CSRNP3: variants seen among roughly 807,000 people sequenced by gnomAD.
CSRNP3 encodes cysteine/serine-rich nuclear protein 3.
CSRNP3 carries 12 observed loss-of-function variants against 48.0 expected under a neutral mutation model. The observed-to-expected ratio is 0.25, with a 90% CI of 0.16 to 0.41. The LOEUF is 0.41. Ranked by LOEUF, CSRNP3 falls within the 10% of genes least tolerant of loss-of-function variation. The pLI is 1.00. For synonymous variants in CSRNP3, 263 were observed against 269.7 expected (o/e 0.98, Z 0.24); for missense variants, 580 against 724.4 (o/e 0.80, Z 2.29).
At chr2:165,668,935 T>C (rs1687283172) in intron 5 of CSRNP3, among the ~76,000 whole-genome samples, 1 of 152,328 alleles carries the variant, frequency 6.6e-6, no homozygotes, top group South Asian at 2.1e-4. Context: ...ACATCATCAT[T>C]AATTGGCTAT....
At chr2:165,643,230 C>A (rs1686754638) in intron 4 of CSRNP3, among the ~76,000 whole-genome samples, 1 of 152,208 alleles carries the variant, frequency 6.6e-6, no homozygotes, top group Non-Finnish European at 1.5e-5. Flanking sequence ...GTGTCTTATA[C>A]TCTTCTACAT....
At chr2:165,498,419 T>C (rs1225905446) in intron 2 of CSRNP3, among the ~76,000 whole-genome samples, 2 of 152,120 alleles carry the variant, frequency 1.3e-5, no homozygotes, top group African/African-American at 4.8e-5. Flanking sequence ...AACTCCAGGA[T>C]CTTGCATTAC....
intron 3 of CSRNP3, among the ~76,000 whole-genome samples, chr2:165,540,221 A>C (rs1222975168): frequency 1.3e-5 from 2 of 152,058 alleles, no homozygotes; most frequent in Non-Finnish European, 2.9e-5. Flanking sequence ...TATTTGCTCC[A>C]GTGGCTTGCC....
chr2:165,470,120 G>A (rs1448562919), intron 1 of CSRNP3, among the ~76,000 whole-genome samples: 1 of 152,046 alleles, frequency 6.6e-6, no homozygotes, highest in Non-Finnish European at 1.5e-5. Flanking sequence ...AATTCCACAG[G>A]TCCTGAGAAA....
At chr2:165,559,518 C>CA (rs1402161321) in intron 3 of CSRNP3, among the ~76,000 whole-genome samples, 1 of 151,920 alleles carries the variant, frequency 6.6e-6, no homozygotes, top group African/African-American at 2.4e-5. Flanking sequence ...AAAAAATGAA[C>CA]AAAAAATAAT....
intron 5 of CSRNP3, among the ~76,000 whole-genome samples, chr2:165,673,611 A>T (rs191022678): frequency 8.3e-4 from 126 of 152,262 alleles, no homozygotes; most frequent in African/African-American, 3.0e-3. Flanking sequence ...CGAATTGGTT[A>T]TTCATGTTGC....
At chr2:165,635,540 T>C (rs559076032) in intron 4 of CSRNP3, among the ~76,000 whole-genome samples, 3 of 152,286 alleles carry the variant, frequency 2.0e-5, no homozygotes, top group Admixed American at 6.5e-5. Context: ...ACAGGATTAT[T>C]TGTGTTCAGG....
chr2:165,490,584 C>T (rs1462833569), intron 1 of CSRNP3, among the ~76,000 whole-genome samples: 1 of 146,832 alleles, frequency 6.8e-6, no homozygotes, highest in Non-Finnish European at 1.5e-5. Context: ...CAGCATGGTA[C>T]TTGTACCAAA....
chr2:165,541,632 A>G (rs758751631), intron 3 of CSRNP3, among the ~76,000 whole-genome samples: 4 of 152,156 alleles, frequency 2.6e-5, no homozygotes, highest in Admixed American at 6.6e-5. Context: ...ATCTCTGCCT[A>G]TAGAGAACAC....
At chr2:165,619,083 C>T (rs1343571672) in intron 4 of CSRNP3, among the ~76,000 whole-genome samples, 2 of 152,124 alleles carry the variant, frequency 1.3e-5, no homozygotes, top group Non-Finnish European at 2.9e-5. Context: ...AAGGAAGTTA[C>T]ATGAGGGTCC....
intron 3 of CSRNP3, among the ~76,000 whole-genome samples, chr2:165,584,838 G>C (rs908193575): frequency 1.3e-5 from 2 of 152,126 alleles, no homozygotes; most frequent in African/African-American, 2.4e-5. Flanking sequence ...TAGAAAAGAA[G>C]AATTGTCTTG....
At chr2:165,615,887 G>GTTTTTTTTTTTT (rs1558951399) in intron 4 of CSRNP3, among the ~76,000 whole-genome samples, 1 of 126,656 alleles carries the variant, frequency 7.9e-6, no homozygotes. Flanking sequence ...ATGTTTGTGG[G>GTTTTTTTTTTTT]GTTTTTTTTT....
At chr2:165,556,787 GA>G (rs1446468051) in intron 3 of CSRNP3, among the ~76,000 whole-genome samples, 1 of 151,904 alleles carries the variant, frequency 6.6e-6, no homozygotes, top group Non-Finnish European at 1.5e-5. Flanking sequence ...AATGAGGGTG[GA>G]ACAATATCAA....
At chr2:165,654,193 T>G (rs1686965592) in intron 4 of CSRNP3, among the ~76,000 whole-genome samples, 1 of 152,084 alleles carries the variant, frequency 6.6e-6, no homozygotes, top group Non-Finnish European at 1.5e-5. Flanking sequence ...GGGTAATGTA[T>G]GAGATTGTTG....
chr2:165,637,703 A>C (rs749065377), intron 4 of CSRNP3, among the ~76,000 whole-genome samples: 2 of 152,234 alleles, frequency 1.3e-5, no homozygotes, highest in Non-Finnish European at 2.9e-5. Context: ...GAATGCATTA[A>C]ACAATTTCAT....
intron 4 of CSRNP3, among the ~76,000 whole-genome samples, chr2:165,614,633 A>G (rs551417309): frequency 8.5e-5 from 13 of 152,128 alleles, no homozygotes; most frequent in Non-Finnish European, 1.6e-4. Context: ...GTTTTTAATC[A>G]TGAAGGATTG....
At chr2:165,476,297 G>A (rs757694464) in intron 1 of CSRNP3, among the ~76,000 whole-genome samples, 29 of 152,180 alleles carry the variant, frequency 1.9e-4, no homozygotes, top group Non-Finnish European at 3.1e-4. Context: ...GAAAACAAGT[G>A]TGCATGCTTG....
At chr2:165,600,898 T>A (rs1685903980) in intron 4 of CSRNP3, among the ~76,000 whole-genome samples, 1 of 152,202 alleles carries the variant, frequency 6.6e-6, no homozygotes, top group Admixed American at 6.5e-5. Flanking sequence ...ATACAGAAAT[T>A]GATAAGATTG....
Position 165,574,522 on chromosome 2 carries a change from G to A in CSRNP3, c.-23-20521G>A, listed in dbSNP as rs1216101783. Reference sequence around the variant, plus strand: ...TTTTAATTCATCGTGGCAATTGGCAGGGTGTTCCTGGTTTTCAGGATTCCC... The same window carrying A: ...TTTTAATTCATCGTGGCAATTGGCAAGGTGTTCCTGGTTTTCAGGATTCCC... On this transcript the variant is annotated intron_variant, in intron 3 of 6. Transcript: ENST00000651982. The A allele has an allele frequency of 5.2e-6, 4 of 775,582 alleles. No homozygotes were observed. The African/African-American group carries it at 5.4e-5, about 10-fold the overall frequency. 48.0% of individuals were successfully genotyped at this position (775,582 alleles called of 1,614,324 possible).
Sources: allele counts gnomAD v4.1 joint callset (sites outside exome capture counted in the v4.1 genomes callset), GRCh38; gene constraint gnomAD v4.1.1; transcripts MANE v1.5; gene names NCBI Gene and HGNC (gene_info 2026-07-23, HGNC 2026-07-21).